The following PHIP variants were observed in gnomAD, a reference collection of about 807,000 sequenced individuals.
The protein encoded by PHIP is PH-interacting protein.
PHIP carries 54 observed loss-of-function variants against 236.8 expected under a neutral mutation model. The ratio of observed to expected loss-of-function variants is 0.23; its 90% CI spans 0.18 to 0.29. The LOEUF (loss-of-function observed/expected upper bound fraction) is 0.29, where lower values mean the gene tolerates loss of function less well. Ranked by LOEUF, PHIP falls within the 10% of genes least tolerant of loss-of-function variation. PHIP has a pLI of 1.00. For missense variants in PHIP, 1,370 were observed against 2,190.8 expected, an observed-to-expected ratio of 0.63 and a Z score of 7.48; for synonymous variants, 756 against 718.9, an observed-to-expected ratio of 1.05 and a Z score of -0.83.
At chr6:78,993,280 G>T (rs1769390619) in intron 19 of PHIP, among the ~76,000 whole-genome samples, 1 of 152,226 alleles carries the variant, frequency 6.6e-6, no homozygotes, top group South Asian at 2.1e-4. Flanking sequence ...GAAGCAGCAA[G>T]TGCTGATGAA....
chr6:79,042,071 C>T (rs937270191), intron 7 of PHIP, among the ~76,000 whole-genome samples: 1 of 151,858 alleles, frequency 6.6e-6, no homozygotes, highest in Non-Finnish European at 1.5e-5. Flanking sequence ...AATTAAAAAC[C>T]TTGTGAATGA....
chr6:79,017,739 T>C (rs187403930), intron 10 of PHIP, among the ~76,000 whole-genome samples, 156 bp from the exon 11 acceptor site: 1 of 151,920 alleles, frequency 6.6e-6, no homozygotes, highest in Non-Finnish European at 1.5e-5. Flanking sequence ...CACATCTAAC[T>C]GGAATTTAAG....
chr6:78,945,377 G>GGCTTTT lies in PHIP; in HGVS notation c.4745_4750dup (p.Lys1583_Pro1584insGlnLys), dbSNP rs1352669255. On this transcript the variant is annotated inframe_insertion, in exon 39 of 40. Transcript: ENST00000275034. Reference sequence around the variant, plus strand: ...AGATGACTTCATTTTACGTTTGACTGGCTTTTCCTTTTCCATGTTTTCTTT... The same window carrying GGCTTTT: ...AGATGACTTCATTTTACGTTTGACTGGCTTTTGCTTTTCCTTTTCCATGTTTTCTTT... 1.2e-6 allele frequency: 2 copies of GGCTTTT among 1,613,428 alleles called. No individual in the cohort carries two copies. The highest frequency in any genetic ancestry group is 1.7e-5 in the Admixed American group (1 of 59,982).
At chr6:78,963,772 C>G (rs1207770638) in intron 29 of PHIP, among the ~76,000 whole-genome samples, 1 of 152,164 alleles carries the variant, frequency 6.6e-6, no homozygotes, top group African/African-American at 2.4e-5. Flanking sequence ...ACAGTTTTAG[C>G]TGAGAGAATC....
intron 24 of PHIP, among the ~76,000 whole-genome samples, chr6:78,974,453 C>G (rs950855820): frequency 4.0e-5 from 6 of 151,730 alleles, no homozygotes; most frequent in African/African-American, 1.5e-4. Flanking sequence ...ACCCTAACAT[C>G]ACAATTAAAA....
At chr6:78,998,606 A>G (rs1368611235) in intron 17 of PHIP, among the ~76,000 whole-genome samples, 1 of 152,176 alleles carries the variant, frequency 6.6e-6, no homozygotes, top group East Asian at 1.9e-4. Flanking sequence ...ATGGTTGCTA[A>G]CTTTTACTAA....
intron 39 of PHIP, among the ~76,000 whole-genome samples, chr6:78,944,609 CCT>C (rs1773702822): frequency 6.6e-6 from 1 of 152,028 alleles, no homozygotes; most frequent in African/African-American, 2.4e-5. Flanking sequence ...AGGATGACTC[CCT>C]GATTTTAAGT....
At position 79,077,847 on chromosome 6, in the gene PHIP, C is replaced by T; in HGVS notation, c.99+8G>A. The T allele has an allele frequency of 6.7e-7, 1 of 1,485,956 alleles. No homozygotes were observed. Among genetic ancestry groups the T allele is most frequent in the South Asian group, 1.3e-5 (1 of 79,058 alleles). The allele number at this position is 1,485,956 out of a possible 1,614,324, so 92.0% of individuals were successfully genotyped here. ...CGCCGGCCCGGCCCGCGCCGCGCGC[C>T]GCCGTACCTGAGCCGCCTGCTGACA... On this transcript the variant is annotated splice_region_variant and intron_variant, in intron 2 of 39. Coordinates refer to ENST00000275034, the MANE Select transcript of PHIP (RefSeq NM_017934.7).
At position 78,935,638 on chromosome 6, in the gene PHIP, T is replaced by C. The variant is rs1480856624; in HGVS notation, c.*5055A>G. On this transcript the variant is annotated 3_prime_UTR_variant, in exon 40 of 40. Coordinates refer to ENST00000275034, the MANE Select transcript of PHIP (RefSeq NM_017934.7). ...AGGCATATAAGTTTTTGACCTTCAGTTGTTTTGGAATTAAATTACATTTCG... is the reference window on the plus strand; with the variant it reads ...AGGCATATAAGTTTTTGACCTTCAGCTGTTTTGGAATTAAATTACATTTCG... The C allele has an allele frequency of 8.1e-6, 8 of 982,896 alleles. No homozygotes were observed. The Admixed American group carries it at 3.7e-4, about 45-fold the overall frequency. 60.9% of individuals were successfully genotyped at this position (982,896 alleles called of 1,614,324 possible). A position where few individuals can be genotyped will look rare whatever the true frequency, so the allele number is the denominator to read the frequency against.
intron 4 of PHIP, among the ~76,000 whole-genome samples, chr6:79,072,421 T>C (rs1393991243): frequency 2.0e-5 from 3 of 152,214 alleles, no homozygotes; most frequent in Non-Finnish European, 4.4e-5. Flanking sequence ...ACATTTTTCC[T>C]TTATTTTTTA....
chr6:78,982,137 C>T (rs906229220), intron 23 of PHIP, among the ~76,000 whole-genome samples: 1 of 152,032 alleles, frequency 6.6e-6, no homozygotes, highest in Non-Finnish European at 1.5e-5. Flanking sequence ...AATACTGCTT[C>T]CCATTTACAG....
intron 17 of PHIP, among the ~76,000 whole-genome samples, chr6:79,001,438 T>A (rs1769989417): frequency 6.6e-6 from 1 of 152,082 alleles, no homozygotes; most frequent in Admixed American, 6.6e-5. Context: ...ATGCTATTAT[T>A]CCCTTTAGTA....
chr6:78,998,560 T>C (rs1769775693), intron 17 of PHIP, among the ~76,000 whole-genome samples, 169 bp from the exon 18 acceptor site: 1 of 151,918 alleles, frequency 6.6e-6, no homozygotes, highest in African/African-American at 2.4e-5. Context: ...AAAGAAAACA[T>C]CTGTCCATCT....
chr6:78,982,752 T>C (rs1043306877), intron 23 of PHIP, 134 bp downstream of exon 23: 1 of 563,898 alleles, frequency 1.8e-6, no homozygotes, highest in African/African-American at 1.9e-5. Flanking sequence ...TTTTTACTAC[T>C]GTGTATTTCT....
intron 35 of PHIP, among the ~76,000 whole-genome samples, chr6:78,948,479 GCAGGGA>G (rs1773952855): frequency 6.6e-6 from 1 of 151,494 alleles, no homozygotes; most frequent in South Asian, 2.1e-4. Flanking sequence ...TTTTTTTTTA[GCAGGGA>G]CAAAGAGTAT....
chr6:78,992,033 C>T (rs1461818332), intron 19 of PHIP, among the ~76,000 whole-genome samples: 1 of 149,570 alleles, frequency 6.7e-6, no homozygotes, highest in African/African-American at 2.5e-5. Flanking sequence ...ATGATCTCGG[C>T]TCACTGCAGG....
intron 20 of PHIP, among the ~76,000 whole-genome samples, chr6:78,990,134 T>C (rs993383558): frequency 4.6e-5 from 7 of 152,206 alleles, no homozygotes; most frequent in African/African-American, 1.7e-4. Flanking sequence ...TATTTATTTT[T>C]CCTTTGTTTC....
intron 16 of PHIP, among the ~76,000 whole-genome samples, chr6:79,002,804 C>T (rs1463659185): frequency 6.6e-6 from 1 of 151,958 alleles, no homozygotes; most frequent in Non-Finnish European, 1.5e-5. Context: ...ACAGAGCTAC[C>T]ATGCTTTATC....
At chr6:79,016,684 A>T (rs1770846089) in intron 12 of PHIP, 42 bp from the exon 13 acceptor site, 1 of 1,223,708 alleles carries the variant, frequency 8.2e-7, no homozygotes, top group African/African-American at 1.5e-5. Context: ...AAAATCATAC[A>T]TGCTTTACCA....
Sources: gnomAD v4.1 joint callset for allele counts (sites outside exome capture counted in the v4.1 genomes callset) on GRCh38, gnomAD v4.1.1 for gene constraint, MANE v1.5 for transcripts, NCBI Gene and HGNC (gene_info 2026-07-23, HGNC 2026-07-21) for gene names.